NUMB: variants seen among roughly 807,000 people sequenced by gnomAD.
NUMB encodes the protein NUMB endocytic adaptor protein.
NUMB carries 29 observed loss-of-function variants against 59.7 expected under a neutral mutation model. That is an observed-to-expected ratio of 0.49 (90% CI 0.36 to 0.66). The LOEUF (loss-of-function observed/expected upper bound fraction) is 0.66, where lower values mean the gene tolerates loss of function less well. Ranked by LOEUF, NUMB falls within the 30% of genes least tolerant of loss-of-function variation. NUMB has a pLI of 0.00. For synonymous variants in NUMB, 288 were observed against 288.2 expected (o/e 1.00, Z 0.01); for missense variants, 723 against 822.0 (o/e 0.88, Z 1.47).
At chr14:73,385,810 C>T (rs747425633) in intron 2 of NUMB, among the ~76,000 whole-genome samples, 1 of 152,022 alleles carries the variant, frequency 6.6e-6, no homozygotes, top group Non-Finnish European at 1.5e-5. Flanking sequence ...CCACTAGTGG[C>T]TTCTGTAATG....
chr14:73,377,875 G>A (rs1895032025), intron 2 of NUMB, among the ~76,000 whole-genome samples: 1 of 152,054 alleles, frequency 6.6e-6, no homozygotes, highest in Non-Finnish European at 1.5e-5. Flanking sequence ...GCTGTGGCAG[G>A]AGATTTGCTT....
intron 2 of NUMB, among the ~76,000 whole-genome samples, chr14:73,385,308 C>CTTTTTTT (rs1174960370): frequency 0.14 from 15,055 of 111,348 alleles, 1,294 homozygotes; most frequent in Non-Finnish European, 0.19. Context: ...CCAGTTAATT[C>CTTTTTTT]TTTTTTTTTT....
intron 2 of NUMB, among the ~76,000 whole-genome samples, chr14:73,387,434 G>T (rs1943353637): frequency 1.3e-5 from 2 of 152,146 alleles, no homozygotes; most frequent in South Asian, 4.1e-4. Flanking sequence ...ATATTGAAGT[G>T]CTACAAGGGA....
At chr14:73,352,475 CACAT>C (rs1339833476) in intron 4 of NUMB, among the ~76,000 whole-genome samples, 4 of 13,736 alleles carry the variant, frequency 2.9e-4, no homozygotes, top group Non-Finnish European at 2.9e-4. Flanking sequence ...CACACACACA[CACAT>C]ATATATATAT....
At chr14:73,293,390 TTTC>T (rs1193855604) in intron 7 of NUMB, among the ~76,000 whole-genome samples, 1 of 132,324 alleles carries the variant, frequency 7.6e-6, no homozygotes, top group Non-Finnish European at 1.6e-5. Flanking sequence ...CTCGTTTCTT[TTTC>T]TTTTTTTTTT....
chr14:73,322,350 G>A (rs1167729245), intron 5 of NUMB, among the ~76,000 whole-genome samples: 5 of 152,206 alleles, frequency 3.3e-5, no homozygotes, highest in Admixed American at 6.5e-5. Context: ...ACAGGCATGT[G>A]CCTGGGATGT....
chr14:73,368,298 G>C (rs552951310), intron 2 of NUMB, among the ~76,000 whole-genome samples: 1 of 151,990 alleles, frequency 6.6e-6, no homozygotes, highest in South Asian at 2.1e-4. Context: ...AATTCGGGCC[G>C]GGCACAGTGG....
chr14:73,424,120 ACT>A (rs34105395), intron 1 of NUMB, among the ~76,000 whole-genome samples: 7,786 of 151,992 alleles, frequency 0.051, 642 homozygotes, highest in African/African-American at 0.18. Context: ...AACCACAATT[ACT>A]CTCTCTCTAT....
At chr14:73,330,366 C>T (rs1272210080) in intron 4 of NUMB, among the ~76,000 whole-genome samples, 1 of 152,148 alleles carries the variant, frequency 6.6e-6, no homozygotes, top group African/African-American at 2.4e-5. Flanking sequence ...CTTCACTTGA[C>T]TTTCAATCAG....
intron 5 of NUMB, among the ~76,000 whole-genome samples, chr14:73,321,018 A>G (rs1333082464): frequency 6.6e-6 from 1 of 152,140 alleles, no homozygotes; most frequent in African/African-American, 2.4e-5. Context: ...TACAATAAAC[A>G]TATTGCTTAT....
In NUMB at chr14:73,282,454, A is replaced by G. The variant is rs1888693519; in HGVS notation, c.1001T>C (p.Ile334Thr). ...CTCAGGTGTGCTGAAGGCATTGGTG[A>G]TCTGTGAGCACAGGGAGCTGATGCT... ...AESISSLCSQ[I>T]TNAFSTPEDP... Residue 334 changes from isoleucine to threonine, a missense_variant, in exon 11 of 13, where the codon ATC becomes ACC. Ile to Thr is a moderately conservative substitution (Grantham distance 89). Around this residue, in one of 2 missense-constraint regions of NUMB, gnomAD observed 317 missense variants for 436.6 expected, o/e 0.73. Transcript: ENST00000555238. 2 of 1,614,042 alleles carry G rather than the reference A, an allele frequency of 1.2e-6. No homozygotes were observed. The highest frequency in any genetic ancestry group is 3.3e-5 in the Admixed American group (2 of 60,004).
chr14:73,330,126 G>T (rs911754759), intron 4 of NUMB, among the ~76,000 whole-genome samples: 10 of 152,090 alleles, frequency 6.6e-5, no homozygotes, highest in African/African-American at 2.4e-4. Flanking sequence ...GCAGCCTTAG[G>T]CTCAAGCAAT....
intron 11 of NUMB, among the ~76,000 whole-genome samples, chr14:73,280,200 A>ATGT: frequency 6.6e-6 from 1 of 152,120 alleles, no homozygotes; most frequent in East Asian, 1.9e-4. Context: ...AAAAGTTAAA[A>ATGT]TGTATATATG....
chr14:73,435,111 TAA>T (rs972450489), intron 1 of NUMB, among the ~76,000 whole-genome samples: 1 of 152,106 alleles, frequency 6.6e-6, no homozygotes, highest in African/African-American at 2.4e-5. Flanking sequence ...ACAACTACTC[TAA>T]AATGCCACTT....
chr14:73,278,332 C>T (rs1594852453), intron 12 of NUMB, among the ~76,000 whole-genome samples: 1 of 151,840 alleles, frequency 6.6e-6, no homozygotes, highest in Non-Finnish European at 1.5e-5. Context: ...ACAGCCTGGC[C>T]AACATGGTGA....
chr14:73,328,026 G>A (rs571323753), intron 4 of NUMB, among the ~76,000 whole-genome samples: 48 of 152,174 alleles, frequency 3.2e-4, no homozygotes, highest in Admixed American at 1.7e-3. Context: ...TGTAATCCCA[G>A]CACTTTGGGA....
At chr14:73,324,443 T>A (rs1244132946) in intron 4 of NUMB, among the ~76,000 whole-genome samples, 3 of 152,044 alleles carry the variant, frequency 2.0e-5, no homozygotes, top group Non-Finnish European at 4.4e-5. Flanking sequence ...CTATCTACTG[T>A]CAGTTTATCT....
intron 2 of NUMB, among the ~76,000 whole-genome samples, chr14:73,388,749 G>C (rs967117900): frequency 6.6e-6 from 1 of 151,988 alleles, no homozygotes; most frequent in African/African-American, 2.4e-5. Context: ...GATCACTTGA[G>C]GTCAGGAGTT....
rs761443820 is a variant in NUMB, at chr14:73,276,238, T to TTTACA, written c.*335_*339dup. ...GAGATTGCTTTGCTTCCTGTTGTGT[T>TTTACA]TTACATTTCAGTAAATGTGCTTGGA... On this transcript the variant is annotated 3_prime_UTR_variant, in exon 13 of 13. Coordinates refer to ENST00000555238, the MANE Select transcript of NUMB (RefSeq NM_001005743.2). The TTTACA allele has an allele frequency of 1.2e-4, 26 of 214,044 alleles. No homozygotes were observed. The highest frequency in any genetic ancestry group is 2.1e-4 in the Non-Finnish European group (22 of 105,806). The allele number at this position is 214,044 out of a possible 1,614,324, so 13.3% of individuals were successfully genotyped here. A position where few individuals can be genotyped will look rare whatever the true frequency, so the allele number is the denominator to read the frequency against.
Sources: allele counts gnomAD v4.1 joint callset (sites outside exome capture counted in the v4.1 genomes callset), GRCh38; gene constraint gnomAD v4.1.1; regional missense constraint gnomAD v4.1.1; transcripts MANE v1.5; gene names NCBI Gene and HGNC (gene_info 2026-07-23, HGNC 2026-07-21).